Variants in NMI observed in about 807,000 individuals in gnomAD.
NMI encodes N-myc-interactor.
NMI carries 39 observed loss-of-function variants against 34.3 expected under a neutral mutation model. That is an observed-to-expected ratio of 1.14 (90% CI 0.88 to 1.49). The LOEUF (loss-of-function observed/expected upper bound fraction) is 1.49, where lower values mean the gene tolerates loss of function less well. NMI is among the 40% of genes most tolerant of loss of function. The pLI is 0.00. For synonymous variants in NMI, 113 were observed against 120.3 expected (o/e 0.94, Z 0.40); for missense variants, 339 against 358.1 (o/e 0.95, Z 0.43).
At chr2:151,280,305 T>C (rs563197867) in intron 3 of NMI, among the ~76,000 whole-genome samples, 1 of 152,160 alleles carries the variant, frequency 6.6e-6, no homozygotes, top group South Asian at 2.1e-4. Context: ...ACAAATGAGA[T>C]AGATGCTTGC....
chr2:151,277,919 G>C (rs1373950013), intron 4 of NMI: 2 of 152,170 alleles, frequency 1.3e-5, no homozygotes, highest in Admixed American at 6.6e-5. Context: ...TATTGGCCCA[G>C]TGGAAGTACA....
At chr2:151,271,568 T>C (rs1024866686) in intron 7 of NMI, 58 bp downstream of exon 7, 1 of 863,534 alleles carries the variant, frequency 1.2e-6, no homozygotes, top group Non-Finnish European at 2.0e-6. Flanking sequence ...AACTTTATTT[T>C]TTGTGGGGTG....
chr2:151,286,370 T>C (rs759843781), intron 1 of NMI, among the ~76,000 whole-genome samples: 4 of 152,170 alleles, frequency 2.6e-5, no homozygotes, highest in Non-Finnish European at 5.9e-5. Context: ...GAAATGTCCA[T>C]ACTGAAGGAG....
chr2:151,287,332 CACACACACACACACACGCATACAT>C (rs1349547449), intron 1 of NMI, among the ~76,000 whole-genome samples: 1 of 151,266 alleles, frequency 6.6e-6, no homozygotes, highest in Non-Finnish European at 1.5e-5. Context: ...CACACATACA[CACACACACACACACACGCATACAT>C]ATATACATAT....
intron 6 of NMI, among the ~76,000 whole-genome samples, chr2:151,273,049 C>T (rs1210516445): frequency 6.6e-6 from 1 of 151,164 alleles, no homozygotes; most frequent in East Asian, 1.9e-4. Flanking sequence ...TACTTAGTAC[C>T]CTTGAATTGT....
In NMI at chr2:151,281,534, AC is replaced by A. The variant is rs1683403877; in HGVS notation, c.177+413del. On this transcript the variant is annotated intron_variant, in intron 3 of 7. Coordinates refer to ENST00000243346, the MANE Select transcript of NMI (RefSeq NM_004688.3). ...CAGATGATAGGCAGGACATGACAAC[AC>A]CCCAGAAACCCCCTTGGGTTCCCTT... 2.6e-5 allele frequency among the ~76,000 whole-genome samples: 4 copies of A among 152,278 alleles called. No homozygotes were observed. The South Asian group carries it at 8.3e-4, about 32-fold the overall frequency.
At chr2:151,271,103 A>C (rs952741875) in intron 7 of NMI, among the ~76,000 whole-genome samples, 1 of 152,234 alleles carries the variant, frequency 6.6e-6, no homozygotes, top group African/African-American at 2.4e-5. Context: ...GGGAACAGAA[A>C]GACCAGGTAA....
At chr2:151,275,947 G>T in intron 4 of NMI, 83 bp from the exon 5 acceptor site, 1 of 920,660 alleles carries the variant, frequency 1.1e-6, no homozygotes, top group Non-Finnish European at 1.6e-6. Flanking sequence ...AAATTATCCT[G>T]AATATTTTTA....
At position 151,271,777 on chromosome 2, in the gene NMI, G is replaced by C. The variant is rs368096567; in HGVS notation, c.635-45C>G. 3 of 951,216 alleles carry C rather than the reference G, an allele frequency of 3.2e-6. No individual in the cohort carries two copies. In the African/African-American group the frequency reaches 4.9e-5, roughly 16 times the overall value. 58.9% of individuals were successfully genotyped at this position (951,216 alleles called of 1,614,324 possible). On this transcript the variant is annotated intron_variant, in intron 6 of 7. Transcript: ENST00000243346. ...AATACTTGTCTTTTTTATATCATAA[G>C]CATTTTTAACCAAAGTTAAAACTTC...
chr2:151,289,004 G>A (rs929084880), intron 1 of NMI: 5 of 152,468 alleles, frequency 3.3e-5, no homozygotes, highest in African/African-American at 1.2e-4. Flanking sequence ...AGCACTTTGG[G>A]AGGCCGAGGC....
intron 4 of NMI, among the ~76,000 whole-genome samples, chr2:151,276,287 C>T (rs1342546153): frequency 2.0e-5 from 3 of 152,152 alleles, no homozygotes; most frequent in Non-Finnish European, 4.4e-5. Flanking sequence ...CTCCTGGACT[C>T]AAGCAATCCT....
chr2:151,283,205 A>T (rs1014312159), intron 1 of NMI, among the ~76,000 whole-genome samples: 10 of 151,498 alleles, frequency 6.6e-5, no homozygotes, highest in Admixed American at 4.6e-4. Flanking sequence ...CAATGGTGCG[A>T]TCTTGGCTCA....
At chr2:151,274,800 T>C (rs1466148057) in intron 6 of NMI, among the ~76,000 whole-genome samples, 1 of 151,650 alleles carries the variant, frequency 6.6e-6, no homozygotes, top group Non-Finnish European at 1.5e-5. Context: ...TTACTAAATG[T>C]TTGCTCTTCT....
Position 151,278,831 on chromosome 2 carries a change from C to A in NMI, c.337G>T (p.Glu113Ter). 1 of 1,612,362 alleles carries A rather than the reference C, an allele frequency of 6.2e-7. No individual in the cohort carries two copies. The highest frequency in any genetic ancestry group is 8.5e-7 in the Non-Finnish European group (1 of 1,178,932). Residue 113 changes from glutamate (E) to a stop codon, truncating the protein, a stop_gained, in exon 4 of 8, where the codon GAA (glutamate) becomes TAA (stop). Coordinates refer to ENST00000243346, the MANE Select transcript of NMI (RefSeq NM_004688.3). LOFTEE classifies it high-confidence loss of function. ...TATTTTTTAACATTAGTCATACCTT[C>A]TTCTTTTTCAAAGGTGATAAGTGCT... ...GQALITFEKEEVAQNVVSMSK... is the reference protein window; with the variant it reads ...GQALITFEKE
chr2:151,287,109 G>A (rs544925476), intron 1 of NMI, among the ~76,000 whole-genome samples: 282 of 152,190 alleles, frequency 1.9e-3, no homozygotes, highest in African/African-American at 3.2e-3. Context: ...TTGTGGTTAT[G>A]TCGGAGCACA....
rs761836872 is a variant in NMI, at chr2:151,282,849, C to T, written c.81+19G>A. Reference sequence around the variant, plus strand: ...GATATAAAATAATTTTTAATAATACCCAGTAATTTCCTTTTTACCTTATTT... The same window carrying T: ...GATATAAAATAATTTTTAATAATACTCAGTAATTTCCTTTTTACCTTATTT... On this transcript the variant is annotated intron_variant, in intron 2 of 7. Coordinates refer to ENST00000243346, the MANE Select transcript of NMI (RefSeq NM_004688.3). 5 of 1,205,408 alleles carry T rather than the reference C, an allele frequency of 4.1e-6. 1 individual carries two copies. The South Asian group carries it at 7.1e-5, about 17-fold the overall frequency. The allele number at this position is 1,205,408 out of a possible 1,614,324, so 74.7% of individuals were successfully genotyped here. A position where few individuals can be genotyped will look rare whatever the true frequency, so the allele number is the denominator to read the frequency against.
chr2:151,283,734 A>T (rs747537859), intron 1 of NMI, among the ~76,000 whole-genome samples: 1 of 152,190 alleles, frequency 6.6e-6, no homozygotes, highest in Non-Finnish European at 1.5e-5. Flanking sequence ...AGCTTTCACT[A>T]ACTCTCCTGC....
chr2:151,287,286 T>C (rs1245472615), intron 1 of NMI, among the ~76,000 whole-genome samples: 2 of 150,288 alleles, frequency 1.3e-5, no homozygotes, highest in Non-Finnish European at 2.9e-5. Context: ...TATAAGTATA[T>C]ATATATTTAA....
chr2:151,275,815 A>G lies in NMI; in HGVS notation c.390T>C (p.Asp130=), dbSNP rs761522932. Reference sequence around the variant, plus strand: ...GCTTGGCCGTAACCTCCAGATTTACATCTTTTATCTGTACATGATGTTTAC... The same window carrying G: ...GCTTGGCCGTAACCTCCAGATTTACGTCTTTTATCTGTACATGATGTTTAC... ...SMSKHHVQIK[D]VNLEVTAKPV... is the part of the protein sequence containing the mutation. The change falls in exon 5 of 8, where the codon GAT becomes GAC. Residue 130 remains aspartate, a synonymous_variant. Transcript: ENST00000243346. 5 of 1,613,422 alleles carry G rather than the reference A, an allele frequency of 3.1e-6. No individual in the cohort carries two copies. Among genetic ancestry groups the G allele is most frequent in the Non-Finnish European group, 4.2e-6 (5 of 1,179,634 alleles).
Sources: allele counts gnomAD v4.1 joint callset (sites outside exome capture counted in the v4.1 genomes callset), GRCh38; gene constraint gnomAD v4.1.1; transcripts MANE v1.5; gene names NCBI Gene and HGNC (gene_info 2026-07-23, HGNC 2026-07-21).